Variants in ZBTB20 observed in about 807,000 individuals in gnomAD.
The protein encoded by ZBTB20 is zinc finger and BTB domain-containing protein 20.
A neutral mutation model predicts 56.9 loss-of-function variants in ZBTB20; 9 were observed. That is an observed-to-expected ratio of 0.16 (90% CI 0.10 to 0.28). ZBTB20 has a LOEUF of 0.28. ZBTB20 is among the 10% of genes least tolerant of loss of function. ZBTB20 has a pLI of 1.00. For missense variants in ZBTB20, 655 were observed against 1,003.0 expected (o/e 0.65, Z 4.69); for synonymous variants, 417 against 420.7 (o/e 0.99, Z 0.11).
intron 2 of ZBTB20, among the ~76,000 whole-genome samples, chr3:115,040,591 G>A (rs762603046): frequency 5.3e-5 from 8 of 152,124 alleles, no homozygotes; most frequent in Non-Finnish European, 1.2e-4. Flanking sequence ...GCTGAAATGT[G>A]AGGTATAAAG....
chr3:114,797,405 T>C (rs1033439381), intron 5 of ZBTB20, among the ~76,000 whole-genome samples: 1 of 151,778 alleles, frequency 6.6e-6, no homozygotes, highest in South Asian at 2.1e-4. Context: ...ATACTATCAA[T>C]GTTCTCCTGA....
At position 114,576,136 on chromosome 3, in the gene ZBTB20, T is replaced by C. The variant is rs114967249; in HGVS notation, c.-294-75745A>G. 5.9e-3 allele frequency among the ~76,000 whole-genome samples: 893 copies of C among 152,220 alleles called. 5 individuals are homozygous for C. The highest frequency in any genetic ancestry group is 9.1e-3 in the Non-Finnish European group (616 of 68,012). On this transcript the variant is annotated intron_variant, in intron 6 of 11. Transcript: ENST00000675478. ...ACTTTGTGCTAGAAACCCTCTACTA[T>C]CCAAAATAAGTAACCCTGTTATTTT...
chr3:114,650,024 T>C (rs2060046186), intron 6 of ZBTB20, among the ~76,000 whole-genome samples: 1 of 151,902 alleles, frequency 6.6e-6, no homozygotes, highest in Non-Finnish European at 1.5e-5. Context: ...AGAGAAACAA[T>C]TTCAATTACA....
intron 1 of ZBTB20, among the ~76,000 whole-genome samples, chr3:115,123,225 T>G (rs2084232652): frequency 6.6e-6 from 1 of 152,156 alleles, no homozygotes; most frequent in Admixed American, 6.5e-5. Context: ...CCATTATCTC[T>G]TAATATTTTT....
At chr3:114,785,099 G>T (rs1486605735) in intron 5 of ZBTB20, among the ~76,000 whole-genome samples, 1 of 152,000 alleles carries the variant, frequency 6.6e-6, no homozygotes, top group Non-Finnish European at 1.5e-5. Flanking sequence ...GACCCCAAAA[G>T]ACACACACAC....
At chr3:114,695,923 C>A (rs1296185048) in intron 5 of ZBTB20, among the ~76,000 whole-genome samples, 6 of 151,940 alleles carry the variant, frequency 3.9e-5, no homozygotes, top group Non-Finnish European at 7.4e-5. Flanking sequence ...GACCAATTTT[C>A]ATTATTTCTC....
intron 3 of ZBTB20, among the ~76,000 whole-genome samples, chr3:114,967,683 G>T (rs541339160): frequency 6.7e-6 from 1 of 149,856 alleles, no homozygotes; most frequent in East Asian, 2.0e-4. Context: ...TCGGCTGGTC[G>T]CAGTGGCTCA....
At chr3:114,649,675 T>G (rs1172828307) in intron 6 of ZBTB20, among the ~76,000 whole-genome samples, 1 of 152,006 alleles carries the variant, frequency 6.6e-6, no homozygotes, top group Admixed American at 6.6e-5. Context: ...AAACAAATTC[T>G]AATCCAAACT....
chr3:114,359,120 A>G (rs548979629), intron 10 of ZBTB20, among the ~76,000 whole-genome samples: 45 of 152,216 alleles, frequency 3.0e-4, no homozygotes, highest in African/African-American at 5.3e-4. Flanking sequence ...CATTTCCTAC[A>G]TATTTATTAA....
intron 5 of ZBTB20, among the ~76,000 whole-genome samples, chr3:114,758,624 C>T (rs2108684751): frequency 6.6e-6 from 1 of 152,124 alleles, no homozygotes; most frequent in South Asian, 2.1e-4. Flanking sequence ...AATATCTGAA[C>T]AAAATTTATA....
chr3:114,915,300 T>C (rs925924053), intron 3 of ZBTB20, among the ~76,000 whole-genome samples: 10 of 151,928 alleles, frequency 6.6e-5, no homozygotes, highest in African/African-American at 2.2e-4. Context: ...TCCTGGTAGG[T>C]TGTATATGTC....
At chr3:114,464,149 T>C (rs991451235) in intron 7 of ZBTB20, among the ~76,000 whole-genome samples, 4 of 152,238 alleles carry the variant, frequency 2.6e-5, no homozygotes, top group Admixed American at 6.5e-5. Flanking sequence ...TCAAACTATC[T>C]GCTGTTTAAT....
intron 4 of ZBTB20, among the ~76,000 whole-genome samples, chr3:114,842,417 C>T (rs969085906): frequency 6.6e-6 from 1 of 152,164 alleles, no homozygotes; most frequent in Non-Finnish European, 1.5e-5. Flanking sequence ...CTTACCCCTT[C>T]TTTAAAAACT....
intron 6 of ZBTB20, among the ~76,000 whole-genome samples, chr3:114,585,761 G>A (rs1297166497): frequency 6.6e-6 from 1 of 152,122 alleles, no homozygotes; most frequent in Non-Finnish European, 1.5e-5. Context: ...GGTCAAAATG[G>A]CAGCCTGCTA....
intron 4 of ZBTB20, among the ~76,000 whole-genome samples, chr3:114,818,685 A>G (rs2073079433): frequency 6.6e-6 from 1 of 152,002 alleles, no homozygotes; most frequent in African/African-American, 2.4e-5. Flanking sequence ...CACTTTACCA[A>G]TATATCAAAT....
intron 2 of ZBTB20, among the ~76,000 whole-genome samples, chr3:114,976,283 G>T (rs2078094759): frequency 6.6e-6 from 1 of 152,116 alleles, no homozygotes. Context: ...AAGGACGTAA[G>T]AATAATAAGA....
intron 4 of ZBTB20, among the ~76,000 whole-genome samples, chr3:114,826,998 C>T (rs779400486): frequency 4.0e-5 from 6 of 151,554 alleles, no homozygotes; most frequent in Non-Finnish European, 8.9e-5. Context: ...CATTTAGGTG[C>T]GTAAGGGTTT....
chr3:115,131,258 C>T (rs1244790402), intron 1 of ZBTB20, among the ~76,000 whole-genome samples: 1 of 152,014 alleles, frequency 6.6e-6, no homozygotes, highest in Non-Finnish European at 1.5e-5. Flanking sequence ...ATTCTTCTTC[C>T]TTTAAAAATA....
intron 1 of ZBTB20, among the ~76,000 whole-genome samples, chr3:115,094,310 A>G (rs1236843790): frequency 6.6e-6 from 1 of 152,016 alleles, no homozygotes; most frequent in Non-Finnish European, 1.5e-5. Context: ...TGTGTCCAGT[A>G]TTTAAGAAGA....
Sources: gnomAD v4.1 joint callset for allele counts (sites outside exome capture counted in the v4.1 genomes callset) on GRCh38, gnomAD v4.1.1 for gene constraint, MANE v1.5 for transcripts, NCBI Gene and HGNC (gene_info 2026-07-23, HGNC 2026-07-21) for gene names.